The following ACCSL variants were observed in gnomAD, a reference collection of about 807,000 sequenced individuals.
ACCSL encodes the protein 1-aminocyclopropane-1-carboxylate synthase homolog (inactive) like.
A neutral mutation model predicts 61.7 loss-of-function variants in ACCSL; 55 were observed. That is an observed-to-expected ratio of 0.89 (90% CI 0.72 to 1.12). The LOEUF is 1.12. Among genes scored for constraint, ACCSL ranks in the 50% most tolerant of loss-of-function variants. ACCSL has a pLI of 0.00. For synonymous variants in ACCSL, 258 were observed against 264.3 expected, an observed-to-expected ratio of 0.98 and a Z score of 0.23; for missense variants, 632 against 698.0, an observed-to-expected ratio of 0.91 and a Z score of 1.07.
At chr11:44,037,488 T>G in the ACCSL span, among the ~76,000 whole-genome samples, 1 of 152,260 alleles carries the variant, frequency 6.6e-6, no homozygotes, top group Non-Finnish European at 1.5e-5. Context: ...CACCCGCTGC[T>G]TCTCTGAGTC....
chr11:43,939,477 T>C, the ACCSL span, among the ~76,000 whole-genome samples: 1 of 152,202 alleles, frequency 6.6e-6, no homozygotes, highest in Non-Finnish European at 1.5e-5. Context: ...TTCAGGTGGA[T>C]GGTGGGTTTT....
At chr11:43,933,762 GTCT>G in the ACCSL span, among the ~76,000 whole-genome samples, 2 of 152,060 alleles carry the variant, frequency 1.3e-5, no homozygotes, top group East Asian at 1.9e-4. Flanking sequence ...TTCTTGGGAG[GTCT>G]TCTTGGGAGG....
the ACCSL span, among the ~76,000 whole-genome samples, chr11:43,982,689 G>T: frequency 0.71 from 108,157 of 151,948 alleles, 38,600 homozygotes; most frequent in East Asian, 0.79. Context: ...TCTAACAGGA[G>T]CCTGGGAGTC....
the ACCSL span, among the ~76,000 whole-genome samples, chr11:43,926,937 C>T: frequency 4.6e-5 from 7 of 152,316 alleles, no homozygotes; most frequent in East Asian, 3.9e-4. Context: ...TTGTTGTAGA[C>T]GGTCTTGCCA....
At chr11:43,924,846 G>A in the ACCSL span, among the ~76,000 whole-genome samples, 1 of 152,242 alleles carries the variant, frequency 6.6e-6, no homozygotes, top group East Asian at 1.9e-4. Context: ...CCTGGAGAAT[G>A]TGGAATAGCT....
At chr11:43,934,065 C>A in the ACCSL span, among the ~76,000 whole-genome samples, 1 of 152,014 alleles carries the variant, frequency 6.6e-6, no homozygotes, top group South Asian at 2.1e-4. Context: ...GGACCCTCTC[C>A]CTCCCTCCCT....
Position 44,058,438 on chromosome 11 carries a change from T to C in ACCSL, c.1449T>C (p.Tyr483=). ...IPFHNRSSGL[Y]VWINLKKYLD... is the part of the protein sequence containing the mutation. ...TTCACAACCGCAGCTCTGGCCTCTATGTCTGGATCAACTTGAAAAAGGTGT... is the reference window on the plus strand; with the variant it reads ...TTCACAACCGCAGCTCTGGCCTCTACGTCTGGATCAACTTGAAAAAGGTGT... Residue 483 remains tyrosine, a synonymous_variant, in exon 12 of 14, where the codon TAT becomes TAC. Coordinates refer to ENST00000378832, the MANE Select transcript of ACCSL (RefSeq NM_001031854.2). 1 of 1,614,160 alleles carries C rather than the reference T, an allele frequency of 6.2e-7. No individual in the cohort carries two copies. The highest frequency in any genetic ancestry group is 8.5e-7 in the Non-Finnish European group (1 of 1,180,016).
the ACCSL span, among the ~76,000 whole-genome samples, chr11:44,004,068 A>G: frequency 6.6e-5 from 10 of 151,928 alleles, no homozygotes; most frequent in Non-Finnish European, 1.3e-4. Context: ...GGTATCTGGG[A>G]CCCTGACTGC....
At chr11:43,954,531 A>T in the ACCSL span, among the ~76,000 whole-genome samples, 1 of 151,840 alleles carries the variant, frequency 6.6e-6, no homozygotes, top group Non-Finnish European at 1.5e-5. Flanking sequence ...ATCTTTTATT[A>T]TGCAGATGGG....
the ACCSL span, chr11:43,933,346 G>A: frequency 2.9e-6 from 1 of 345,356 alleles, no homozygotes; most frequent in African/African-American, 2.1e-5. Context: ...AGCCCTCCCA[G>A]GGGGCAGCCA....
the ACCSL span, among the ~76,000 whole-genome samples, chr11:44,009,498 G>A: frequency 2.0e-5 from 3 of 152,186 alleles, no homozygotes; most frequent in Non-Finnish European, 4.4e-5. Flanking sequence ...GGGCGCAGTG[G>A]CTCACGCCCA....
chr11:44,049,531 G>C (rs761524010), intron 1 of ACCSL, among the ~76,000 whole-genome samples: 11 of 151,856 alleles, frequency 7.2e-5, no homozygotes, highest in Non-Finnish European at 1.5e-4. Flanking sequence ...AGAGGGTGGA[G>C]GGTGACATTA....
At chr11:44,013,839 G>A in the ACCSL span, among the ~76,000 whole-genome samples, 2 of 152,144 alleles carry the variant, frequency 1.3e-5, no homozygotes, top group Non-Finnish European at 2.9e-5. Flanking sequence ...AGCATTTGGG[G>A]CTGTGCGGAC....
At chr11:43,987,508 G>A in the ACCSL span, among the ~76,000 whole-genome samples, 19 of 152,212 alleles carry the variant, frequency 1.2e-4, no homozygotes, top group Non-Finnish European at 2.6e-4. Flanking sequence ...GTTGGCGCTA[G>A]GTATCCTTTG....
At chr11:44,023,710 A>C in the ACCSL span, among the ~76,000 whole-genome samples, 1 of 137,712 alleles carries the variant, frequency 7.3e-6, no homozygotes, top group East Asian at 2.1e-4. Flanking sequence ...TTTGGTTTTA[A>C]TTTTCTAATT....
the ACCSL span, among the ~76,000 whole-genome samples, chr11:43,975,231 T>G: frequency 6.6e-6 from 1 of 152,150 alleles, no homozygotes; most frequent in Non-Finnish European, 1.5e-5. Flanking sequence ...AGGCAAGAAG[T>G]TTATCAACAC....
At chr11:43,931,251 G>C in the ACCSL span, among the ~76,000 whole-genome samples, 3 of 152,328 alleles carry the variant, frequency 2.0e-5, no homozygotes, top group South Asian at 6.2e-4. Flanking sequence ...CGTCATGAGT[G>C]GGGAGGGGCC....
chr11:44,053,828 C>T (rs1952654802), intron 8 of ACCSL, among the ~76,000 whole-genome samples: 1 of 152,216 alleles, frequency 6.6e-6, no homozygotes, highest in Admixed American at 6.5e-5. Context: ...TGCCACTGTA[C>T]TCCAGCCTAG....
chr11:43,924,350 G>A, the ACCSL span, among the ~76,000 whole-genome samples: 2 of 152,226 alleles, frequency 1.3e-5, no homozygotes, highest in South Asian at 4.1e-4. Flanking sequence ...CCCTGGGGCC[G>A]GCAGCCTGGG....
Sources: allele counts gnomAD v4.1 joint callset (sites outside exome capture counted in the v4.1 genomes callset), GRCh38; gene constraint gnomAD v4.1.1; transcripts MANE v1.5; gene names NCBI Gene and HGNC (gene_info 2026-07-23, HGNC 2026-07-21).